The following RPH3A variants were observed in gnomAD, a reference collection of about 807,000 sequenced individuals.
The protein encoded by RPH3A is rabphilin 3A.
RPH3A carries 48 observed loss-of-function variants against 102.2 expected under a neutral mutation model. The ratio of observed to expected loss-of-function variants is 0.47; its 90% CI spans 0.37 to 0.60. The LOEUF (loss-of-function observed/expected upper bound fraction) is 0.60. Among genes scored for constraint, RPH3A ranks in the 20% least tolerant of loss-of-function variants. The probability of loss-of-function intolerance (pLI) is 0.00; values close to 1 mark genes in which losing one functional copy is unlikely to be tolerated. For synonymous variants in RPH3A, 310 were observed against 324.3 expected, an observed-to-expected ratio of 0.96 and a Z score of 0.47; for missense variants, 781 against 910.1, an observed-to-expected ratio of 0.86 and a Z score of 1.83.
At chr12:112,648,406 G>T (rs1300225784) in intron 1 of RPH3A, among the ~76,000 whole-genome samples, 1 of 150,466 alleles carries the variant, frequency 6.6e-6, no homozygotes, top group Non-Finnish European at 1.5e-5. Context: ...TTCGACTTAG[G>T]GTTGTTTCTG....
chr12:112,695,310 C>T (rs553423004), intron 1 of RPH3A: 3 of 164,280 alleles, frequency 1.8e-5, no homozygotes, highest in Non-Finnish European at 2.9e-5. Flanking sequence ...TCACCAAACA[C>T]GCTTTCATTT....
At chr12:112,642,719 AAAT>A (rs376449920) in intron 1 of RPH3A, among the ~76,000 whole-genome samples, 1 of 152,046 alleles carries the variant, frequency 6.6e-6, no homozygotes, top group Non-Finnish European at 1.5e-5. Context: ...AGATGATAGT[AAAT>A]AATAATAATA....
chr12:112,883,852 T>C (rs758754196), intron 16 of RPH3A, among the ~76,000 whole-genome samples: 6 of 134,094 alleles, frequency 4.5e-5, no homozygotes, highest in Admixed American at 7.8e-5. Flanking sequence ...TTAGAAGTAA[T>C]GGATATATAT....
Position 112,590,004 on chromosome 12 carries a change from A to T in RPH3A, c.-140+14685A>T, listed in dbSNP as rs143764288. Among the ~76,000 whole-genome samples, 214 of 151,016 alleles carry T rather than the reference A, an allele frequency of 1.4e-3. 1 individual carries two copies. Among genetic ancestry groups the T allele is most frequent in the African/African-American group, 5.0e-3 (206 of 41,010 alleles). The stretch of plus-strand genomic sequence containing the variant: ...AGGCTGAGGCAGGAGGATCGCTTGA[A>T]CCCAGGATGGGGAGGTTGCAGTGAG... On this transcript the variant is annotated intron_variant, in intron 1 of 21. Coordinates refer to the RPH3A transcript ENST00000543106.
intron 1 of RPH3A, among the ~76,000 whole-genome samples, chr12:112,670,584 A>T (rs2040120889): frequency 6.6e-6 from 1 of 152,130 alleles, no homozygotes; most frequent in Non-Finnish European, 1.5e-5. Context: ...TGAGTTACAG[A>T]TTTAAGCTGG....
At chr12:112,812,844 C>A (rs999745007) in intron 2 of RPH3A, among the ~76,000 whole-genome samples, 3 of 152,178 alleles carry the variant, frequency 2.0e-5, no homozygotes, top group Non-Finnish European at 4.4e-5. Flanking sequence ...TATCTCTTTG[C>A]AAACCTTCTT....
chr12:112,614,064 A>G lies in RPH3A; in HGVS notation c.-140+38745A>G, dbSNP rs12301916. On this transcript the variant is annotated intron_variant, in intron 1 of 21. Transcript: ENST00000543106. ...AGCCAAGGAATGCTTGTAAACCACTACAAGCTGAAAAAGGCAAAGAAATGG... is the reference window on the plus strand; with the variant it reads ...AGCCAAGGAATGCTTGTAAACCACTGCAAGCTGAAAAAGGCAAAGAAATGG... Among the ~76,000 whole-genome samples, 1,011 of 152,314 alleles carry G rather than the reference A, an allele frequency of 6.6e-3. 18 individuals are homozygous for G. The highest frequency in any genetic ancestry group is 0.023 in the African/African-American group (958 of 41,562).
chr12:112,703,033 C>A, intron 1 of RPH3A, among the ~76,000 whole-genome samples: 1 of 152,118 alleles, frequency 6.6e-6, no homozygotes, highest in East Asian at 1.9e-4. Context: ...CAAGGATGTG[C>A]CAGTTCTGAG....
intron 4 of RPH3A, among the ~76,000 whole-genome samples, chr12:112,841,197 C>A (rs2042137158): frequency 1.5e-5 from 1 of 67,556 alleles, no homozygotes; most frequent in Admixed American, 1.4e-4. Flanking sequence ...AAAAAAAAGC[C>A]TCGTTGGAAA....
At chr12:112,735,757 C>A (rs3825204) in intron 1 of RPH3A, among the ~76,000 whole-genome samples, 1 of 152,036 alleles carries the variant, frequency 6.6e-6, no homozygotes, top group Non-Finnish European at 1.5e-5. Flanking sequence ...CCCACCTCCC[C>A]CCAAGCCTTT....
At chr12:112,843,447 T>G (rs2042179189) in intron 4 of RPH3A, among the ~76,000 whole-genome samples, 1 of 152,166 alleles carries the variant, frequency 6.6e-6, no homozygotes, top group Non-Finnish European at 1.5e-5. Flanking sequence ...CCAGCAGGGC[T>G]GCTCATCTGC....
At chr12:112,706,268 C>A (rs746809454) in intron 1 of RPH3A, among the ~76,000 whole-genome samples, 47 of 152,146 alleles carry the variant, frequency 3.1e-4, no homozygotes, top group Admixed American at 3.3e-4. Context: ...GGCCCTCAAC[C>A]AATGACAGAT....
intron 19 of RPH3A, chr12:112,894,291 G>T: frequency 2.2e-6 from 1 of 451,892 alleles, no homozygotes; most frequent in Non-Finnish European, 3.9e-6. Context: ...TCCCAGCTGT[G>T]TGAGCTAGGG....
chr12:112,710,774 A>T (rs1446863493), intron 1 of RPH3A, among the ~76,000 whole-genome samples: 2 of 152,196 alleles, frequency 1.3e-5, no homozygotes, highest in Admixed American at 6.5e-5. Flanking sequence ...TGATTCAAAA[A>T]CATTACTTAA....
At chr12:112,819,422 T>C (rs1395635763) in intron 2 of RPH3A, among the ~76,000 whole-genome samples, 1 of 152,148 alleles carries the variant, frequency 6.6e-6, no homozygotes, top group African/African-American at 2.4e-5. Context: ...TAGGAATTTT[T>C]ACATCCTCAT....
At chr12:112,657,101 A>T (rs1191924279) in intron 1 of RPH3A, among the ~76,000 whole-genome samples, 1 of 151,948 alleles carries the variant, frequency 6.6e-6, no homozygotes, top group Non-Finnish European at 1.5e-5. Flanking sequence ...TTGCCAACAC[A>T]TACTGTTTTT....
At chr12:112,602,047 G>A (rs574193211) in intron 1 of RPH3A, among the ~76,000 whole-genome samples, 2 of 152,224 alleles carry the variant, frequency 1.3e-5, no homozygotes, top group African/African-American at 4.8e-5. Flanking sequence ...AGGCAGAGGT[G>A]GGTATTGCTG....
chr12:112,823,062 C>CA (rs1283996435), intron 2 of RPH3A, among the ~76,000 whole-genome samples: 2 of 152,260 alleles, frequency 1.3e-5, no homozygotes, highest in Non-Finnish European at 2.9e-5. Context: ...TTGGCCTTAC[C>CA]CAAGCCAAAG....
chr12:112,847,276 T>A (rs1450340088), intron 4 of RPH3A, among the ~76,000 whole-genome samples: 1 of 152,196 alleles, frequency 6.6e-6, no homozygotes, highest in African/African-American at 2.4e-5. Context: ...GAGACCTAGT[T>A]GGCAACCAGT....
Sources: allele counts gnomAD v4.1 joint callset (sites outside exome capture counted in the v4.1 genomes callset), GRCh38; gene constraint gnomAD v4.1.1; transcripts MANE v1.5; gene names NCBI Gene and HGNC (gene_info 2026-07-23, HGNC 2026-07-21).